The following GRK5 variants were observed in gnomAD, a reference collection of about 807,000 sequenced individuals.
GRK5 encodes g protein-coupled receptor kinase GRK5.
A neutral mutation model predicts 78.4 loss-of-function variants in GRK5; 40 were observed. The observed-to-expected ratio is 0.51, with a 90% CI of 0.40 to 0.66. The LOEUF is 0.66. Among genes scored for constraint, GRK5 ranks in the 30% least tolerant of loss-of-function variants. The pLI is 0.00. For missense variants in GRK5, 598 were observed against 759.9 expected, an observed-to-expected ratio of 0.79 and a Z score of 2.50; for synonymous variants, 289 against 296.8, an observed-to-expected ratio of 0.97 and a Z score of 0.27.
At chr10:119,442,910 T>TGGATGGATGATGGATGA (rs1564937155) in intron 11 of GRK5, among the ~76,000 whole-genome samples, 1 of 152,080 alleles carries the variant, frequency 6.6e-6, no homozygotes, top group African/African-American at 2.4e-5. Context: ...GGATGGATGG[T>TGGATGGATGATGGATGA]TGGATGGATG....
chr10:119,301,229 G>A (rs776776076), intron 1 of GRK5, among the ~76,000 whole-genome samples: 42 of 152,172 alleles, frequency 2.8e-4, no homozygotes, highest in Non-Finnish European at 4.3e-4. Context: ...AGGACCCTCC[G>A]GGAGCCCCTT....
rs374279520 is a variant in GRK5 at position 119,233,521 on chromosome 10, G to GGA, written c.52+25564_52+25565dup. Among the ~76,000 whole-genome samples, 264 of 152,072 alleles carry GGA rather than the reference G, an allele frequency of 1.7e-3. 1 individual carries two copies. The highest frequency in any genetic ancestry group is 6.0e-3 in the African/African-American group (248 of 41,450). ...TTGAATCAAAGGCTGATGGGGTGGG[G>GGA]GAGAGAGAGAGAGTCCTCATTGCAT... is the stretch of plus-strand genomic sequence containing the variant. On this transcript the variant is annotated intron_variant, in intron 1 of 15. Transcript: ENST00000392870.
Position 119,271,156 on chromosome 10 carries a change from C to G in GRK5, c.53-55360C>G, listed in dbSNP as rs7090417. On this transcript the variant is annotated intron_variant, in intron 1 of 15. Transcript: ENST00000392870. The surrounding 1 kb of genome is among the most constrained non-coding windows in gnomAD (Gnocchi z 4.1). Reference sequence around the variant, plus strand: ...CCAGGACCTGGGGTGGCGCCGGCGCCGTTAGGGAGGGAGTGTTCACCGGAA... The same window carrying G: ...CCAGGACCTGGGGTGGCGCCGGCGCGGTTAGGGAGGGAGTGTTCACCGGAA... Among the ~76,000 whole-genome samples the G allele has an allele frequency of 0.5, 76,756 of 152,030 alleles. 19,688 individuals are homozygous for G. Among genetic ancestry groups the G allele is most frequent in the East Asian group, 0.73 (3,773 of 5,154 alleles).
At chr10:119,314,852 C>T (rs1490636396) in intron 1 of GRK5, among the ~76,000 whole-genome samples, 4 of 152,202 alleles carry the variant, frequency 2.6e-5, no homozygotes, top group African/African-American at 9.6e-5. Flanking sequence ...GCTGGATTCC[C>T]CATGATTCTG....
chr10:119,340,733 C>G (rs1156530894), intron 2 of GRK5, among the ~76,000 whole-genome samples: 1 of 152,226 alleles, frequency 6.6e-6, no homozygotes, highest in African/African-American at 2.4e-5. Context: ...CCACTTGGTC[C>G]TGTGGCCTTG....
intron 1 of GRK5, among the ~76,000 whole-genome samples, chr10:119,241,097 G>A (rs1028632232): frequency 2.6e-5 from 4 of 152,102 alleles, no homozygotes; most frequent in Admixed American, 6.5e-5. Context: ...AAAAAAATCC[G>A]TGTTCTAGTC....
At chr10:119,307,103 A>G (rs1850283986) in intron 1 of GRK5, among the ~76,000 whole-genome samples, 1 of 152,116 alleles carries the variant, frequency 6.6e-6, no homozygotes, top group Non-Finnish European at 1.5e-5. Context: ...TTTCTTAACT[A>G]TGCTAAATGC....
intron 1 of GRK5, among the ~76,000 whole-genome samples, chr10:119,209,494 T>G (rs1331768723): frequency 9.1e-5 from 5 of 54,966 alleles, no homozygotes; most frequent in African/African-American, 4.5e-4. Flanking sequence ...GTGGTTTTTT[T>G]TTTTTTTTTT....
chr10:119,219,123 G>C (rs77745449), intron 1 of GRK5, among the ~76,000 whole-genome samples: 1 of 152,070 alleles, frequency 6.6e-6, no homozygotes. Context: ...TCCTGACCTC[G>C]TGATCCTCCC....
Position 119,455,439 on chromosome 10 carries a change from A to G in GRK5, c.*372A>G. The G allele has an allele frequency of 2.4e-6, 1 of 410,648 alleles. No individual in the cohort carries two copies. The allele number at this position is 410,648 out of a possible 1,614,324, so 25.4% of individuals were successfully genotyped here. A position where few individuals can be genotyped will look rare whatever the true frequency, so the allele number is the denominator to read the frequency against. On this transcript the variant is annotated 3_prime_UTR_variant, in exon 16 of 16. Transcript: ENST00000392870. ...TACTGTCTCAGTTTACATTTTGTAT[A>G]TTTGTATTTAAATGAAAGTGAGACT...
chr10:119,234,919 C>T (rs1848897784), intron 1 of GRK5, among the ~76,000 whole-genome samples: 1 of 152,002 alleles, frequency 6.6e-6, no homozygotes, highest in Admixed American at 6.6e-5. Context: ...AGGTGATCAG[C>T]CTGCCTCGGC....
rs774086762 is a variant in GRK5 at position 119,448,139 on chromosome 10, C to A, written c.1283C>A (p.Ala428Glu). 3 of 1,558,136 alleles carry A rather than the reference C, an allele frequency of 1.9e-6. No individual in the cohort carries two copies. Among genetic ancestry groups the A allele is most frequent in the East Asian group, 2.5e-5 (1 of 40,648 alleles). Residue 428 changes from alanine to glutamate, a missense_variant, in exon 13 of 16, where the codon GCG (alanine) becomes GAG (glutamate). Transcript: ENST00000392870. ...SICKMLLTKD[A>E]KQRLGCQEEG... ...CTGTTTCAGCTGCTCACGAAAGATG[C>A]GAAGCAGAGGCTGGGCTGCCAGGAG...
chr10:119,368,036 G>A lies in GRK5; in HGVS notation c.149-12779G>A, dbSNP rs117357771. 9.2e-3 allele frequency among the ~76,000 whole-genome samples: 1,400 copies of A among 152,378 alleles called. 11 individuals carry two copies. The highest frequency in any genetic ancestry group is 0.014 in the Non-Finnish European group (929 of 68,032). On this transcript the variant is annotated intron_variant, in intron 2 of 15. Coordinates refer to ENST00000392870, the MANE Select transcript of GRK5 (RefSeq NM_005308.3). Reference sequence around the variant, plus strand: ...GCCTTGGTCCCTGGCTTGCCCAGCCGTTTCCTGGCCCGGCCCTCCGTGGCT... The same window carrying A: ...GCCTTGGTCCCTGGCTTGCCCAGCCATTTCCTGGCCCGGCCCTCCGTGGCT...
intron 1 of GRK5, among the ~76,000 whole-genome samples, chr10:119,274,517 G>A (rs1427168370): frequency 6.6e-6 from 1 of 152,190 alleles, no homozygotes; most frequent in African/African-American, 2.4e-5. Context: ...GCCTTGTATA[G>A]GGTGGCTGGG....
At chr10:119,418,897 G>C (rs565929609) in intron 4 of GRK5, among the ~76,000 whole-genome samples, 2 of 152,132 alleles carry the variant, frequency 1.3e-5, no homozygotes, top group East Asian at 3.9e-4. Flanking sequence ...TACAGGCCTT[G>C]AGGCCCTCAC....
intron 1 of GRK5, among the ~76,000 whole-genome samples, chr10:119,220,307 C>G (rs1848638098): frequency 2.0e-5 from 3 of 152,150 alleles, no homozygotes; most frequent in Admixed American, 2.0e-4. Flanking sequence ...CAGATGTCTT[C>G]CCTTCAGCAG....
chr10:119,329,371 G>A (rs1850729498), intron 2 of GRK5, among the ~76,000 whole-genome samples: 1 of 152,172 alleles, frequency 6.6e-6, no homozygotes, highest in South Asian at 2.1e-4. Flanking sequence ...GATTTTGAAA[G>A]CCGGGAGAGA....
rs376800207 is a variant in GRK5 at position 119,416,313 on chromosome 10, T to G, written c.340-6853T>G. ...TGCCGGGAGAGCAGGTGCAGCCGCC[T>G]TGGCGACGCCATCCTCGGGGCTGAT... On this transcript the variant is annotated intron_variant, in intron 4 of 15. Transcript: ENST00000392870. 6.6e-5 allele frequency among the ~76,000 whole-genome samples: 10 copies of G among 152,376 alleles called. No homozygotes were observed. The East Asian group carries it at 1.7e-3, about 26-fold the overall frequency.
At chr10:119,268,330 C>T (rs1212540739) in intron 1 of GRK5, among the ~76,000 whole-genome samples, 4 of 152,096 alleles carry the variant, frequency 2.6e-5, no homozygotes, top group South Asian at 4.1e-4. Flanking sequence ...CAGTGTTTTC[C>T]GGTGTAAAGA....
Sources: allele counts gnomAD v4.1 joint callset (sites outside exome capture counted in the v4.1 genomes callset), GRCh38; gene constraint gnomAD v4.1.1; non-coding constraint Gnocchi (gnomAD v3.1); transcripts MANE v1.5; gene names NCBI Gene and HGNC (gene_info 2026-07-23, HGNC 2026-07-21).